The following GRIK3 variants were observed in gnomAD, a reference collection of about 807,000 sequenced individuals.
GRIK3 encodes the protein glutamate ionotropic receptor kainate type subunit 3, also known as glutamate receptor ionotropic, kainate 3.
GRIK3 carries 29 observed loss-of-function variants against 102.5 expected under a neutral mutation model. The ratio of observed to expected loss-of-function variants is 0.28; its 90% CI spans 0.21 to 0.39. The LOEUF (loss-of-function observed/expected upper bound fraction) is 0.39. GRIK3 is among the 10% of genes least tolerant of loss of function. The pLI is 1.00. For missense variants in GRIK3, 908 were observed against 1,252.4 expected, an observed-to-expected ratio of 0.73 and a Z score of 4.15; for synonymous variants, 511 against 504.9, an observed-to-expected ratio of 1.01 and a Z score of -0.16.
intron 1 of GRIK3, among the ~76,000 whole-genome samples, chr1:36,901,139 T>C (rs773078462): frequency 2.0e-5 from 3 of 152,148 alleles, no homozygotes; most frequent in Non-Finnish European, 4.4e-5. Context: ...TTCTCTACAC[T>C]CTATTGGAAA....
Position 36,932,440 on chromosome 1 carries a change from G to A in GRIK3, c.116-41344C>T, listed in dbSNP as rs139334755. Among the ~76,000 whole-genome samples the A allele has an allele frequency of 1.9e-3, 292 of 152,274 alleles. 1 individual carries two copies. Among genetic ancestry groups the A allele is most frequent in the African/African-American group, 6.7e-3 (277 of 41,556 alleles). ...GAGTAGGAGGTGTAGGAAACACCGAGCACTTCCAAGGTCATCCTTCGTTTC... is the reference window on the plus strand; with the variant it reads ...GAGTAGGAGGTGTAGGAAACACCGAACACTTCCAAGGTCATCCTTCGTTTC... On this transcript the variant is annotated intron_variant, in intron 1 of 15. Transcript: ENST00000373091.
chr1:36,907,942 C>A (rs1292331465), intron 1 of GRIK3, among the ~76,000 whole-genome samples: 1 of 152,086 alleles, frequency 6.6e-6, no homozygotes, highest in Non-Finnish European at 1.5e-5. Flanking sequence ...GGAGGGGTCA[C>A]TCACCTGGGC....
Position 36,951,182 on chromosome 1 carries a change from C to T in GRIK3, c.116-60086G>A, listed in dbSNP as rs561244358. Among the ~76,000 whole-genome samples, 3 of 152,322 alleles carry T rather than the reference C, an allele frequency of 2.0e-5. No individual in the cohort carries two copies. The South Asian group carries it at 6.2e-4, about 32-fold the overall frequency. On this transcript the variant is annotated intron_variant, in intron 1 of 15. Transcript: ENST00000373091. ...CAGAAGCTTACAGCAGGGGGCTGGA[C>T]ATTAGAGTCCTCTGAGGGTCAGGAC...
intron 1 of GRIK3, among the ~76,000 whole-genome samples, chr1:36,900,055 T>A (rs994110097): frequency 6.6e-6 from 1 of 152,210 alleles, no homozygotes; most frequent in Admixed American, 6.5e-5. Flanking sequence ...TCAGACGTAA[T>A]GTACATCTAT....
intron 5 of GRIK3, among the ~76,000 whole-genome samples, chr1:36,867,202 A>C (rs920054677): frequency 6.6e-6 from 1 of 152,202 alleles, no homozygotes; most frequent in Admixed American, 6.5e-5. Flanking sequence ...CCCTGGGTAC[A>C]TCATATCCCA....
At chr1:36,975,396 G>A (rs1557448523) in intron 1 of GRIK3, among the ~76,000 whole-genome samples, 1 of 148,858 alleles carries the variant, frequency 6.7e-6, no homozygotes, top group Non-Finnish European at 1.5e-5. Context: ...CTGGGCTTAA[G>A]TGATTCTCCT....
At position 36,841,736 on chromosome 1, in the gene GRIK3, G is replaced by A. The variant is rs770683285; in HGVS notation, c.1530C>T (p.His510=). Residue 510 remains histidine, a splice_region_variant and synonymous_variant, in exon 10 of 16, where the codon CAC becomes CAT. Transcript: ENST00000373091. ...WNGMVKELID[H]KADLAVAPLT... ...CTCCCATGCTCCCATCCATGCTTAC[G>A]TGGTCGATGAGCTCCTTGACCATGC... 11 of 1,612,210 alleles carry A rather than the reference G, an allele frequency of 6.8e-6. No homozygotes were observed. Among genetic ancestry groups the A allele is most frequent in the East Asian group, 4.5e-5 (2 of 44,868 alleles).
At chr1:36,898,387 A>G (rs1303944232) in intron 1 of GRIK3, among the ~76,000 whole-genome samples, 1 of 152,200 alleles carries the variant, frequency 6.6e-6, no homozygotes, top group Non-Finnish European at 1.5e-5. Context: ...TACAAGAAAT[A>G]TTAAAAGATG....
chr1:36,860,510 C>A (rs573814713), intron 5 of GRIK3, among the ~76,000 whole-genome samples: 1 of 152,188 alleles, frequency 6.6e-6, no homozygotes, highest in Non-Finnish European at 1.5e-5. Context: ...CTTCTCTCCC[C>A]CTTTTCCCCC....
intron 1 of GRIK3, among the ~76,000 whole-genome samples, chr1:36,977,566 C>T (rs1329689109): frequency 6.6e-6 from 1 of 152,138 alleles, no homozygotes; most frequent in Non-Finnish European, 1.5e-5. Flanking sequence ...GAGAATAAAG[C>T]CATTCCCCTG....
In GRIK3 at chr1:36,806,254, T is replaced by A. The variant is rs1642501360; in HGVS notation, c.2164A>T (p.Asn722Tyr). The A allele has an allele frequency of 1.2e-6, 2 of 1,614,090 alleles. No homozygotes were observed. Among genetic ancestry groups the A allele is most frequent in the African/African-American group, 2.7e-5 (2 of 74,948 alleles). The change falls in exon 14 of 16, where the codon AAC becomes TAC. Residue 722 changes from asparagine to tyrosine, a missense_variant. Coordinates refer to ENST00000373091, the MANE Select transcript of GRIK3 (RefSeq NM_000831.4). This position sits in a 1 kb window ranked among gnomAD's most constrained non-coding sequence, Gnocchi z 4.0. ...AGGGCCCTCTGGATGCCCTCCTCGT[T>A]GTTCTTCACCAGCGCCGATGGCTTG... is the stretch of plus-strand genomic sequence containing the variant. ...SSKPSALVKN[N>Y]EEGIQRALTA...
intron 1 of GRIK3, among the ~76,000 whole-genome samples, chr1:36,932,437 C>T (rs1053983256): frequency 2.0e-5 from 3 of 152,116 alleles, no homozygotes; most frequent in African/African-American, 7.2e-5. Context: ...TAGGAAACAC[C>T]GAGCACTTCC....
chr1:36,809,188 T>C (rs556809166), intron 13 of GRIK3, among the ~76,000 whole-genome samples: 1 of 145,188 alleles, frequency 6.9e-6, no homozygotes, highest in African/African-American at 2.6e-5. Flanking sequence ...CACCCACCCA[T>C]CCATCCACCC....
chr1:36,985,208 G>A (rs555158566), intron 1 of GRIK3, among the ~76,000 whole-genome samples: 4 of 152,218 alleles, frequency 2.6e-5, no homozygotes, highest in South Asian at 2.1e-4. Flanking sequence ...GCCCTTTCTC[G>A]TTAGCACTCT....
chr1:36,975,641 C>T (rs1033920064), intron 1 of GRIK3, among the ~76,000 whole-genome samples: 6 of 152,184 alleles, frequency 3.9e-5, no homozygotes, highest in Non-Finnish European at 5.9e-5. Context: ...TCATGGAGAT[C>T]GGTATGCTGC....
In GRIK3 at chr1:36,797,346, A is replaced by C. The variant is rs1275701572; in HGVS notation, c.*4505T>G. On this transcript the variant is annotated 3_prime_UTR_variant, in exon 16 of 16. Transcript: ENST00000373091. ...CATTCATATATATATTGTACAGAAC[A>C]TTAACCTTCTACCTAAAAGTTTTGT... 6.6e-6 allele frequency: 1 copy of C among 151,854 alleles called. No individual in the cohort carries two copies. The highest frequency in any genetic ancestry group is 1.5e-5 in the Non-Finnish European group (1 of 67,982). 9.4% of individuals were successfully genotyped at this position (151,854 alleles called of 1,614,324 possible).
chr1:36,911,568 C>T (rs1278762243), intron 1 of GRIK3, among the ~76,000 whole-genome samples: 2 of 151,976 alleles, frequency 1.3e-5, no homozygotes, highest in Admixed American at 1.3e-4. Context: ...TCCCTGGGGT[C>T]CCAGGGGGAC....
chr1:37,034,255 C>A lies in GRIK3; in HGVS notation c.-147G>T. 6.5e-6 allele frequency: 1 copy of A among 154,604 alleles called. No individual in the cohort carries two copies. The highest frequency in any genetic ancestry group is 2.0e-4 in the South Asian group (1 of 4,958). The allele number at this position is 154,604 out of a possible 1,614,324, so 9.6% of individuals were successfully genotyped here. A position where few individuals can be genotyped will look rare whatever the true frequency, so the allele number is the denominator to read the frequency against. ...GCGCCGCTGCAAGTGGGGGGCGCCC[C>A]GCGGCGCCGCGCACATCTTACTGGG... On this transcript the variant is annotated 5_prime_UTR_variant, in exon 1 of 16. Transcript: ENST00000373091.
chr1:36,836,906 C>G (rs903280905), intron 10 of GRIK3, among the ~76,000 whole-genome samples: 2 of 152,090 alleles, frequency 1.3e-5, no homozygotes, highest in Non-Finnish European at 2.9e-5. Context: ...ACCTTGTACC[C>G]CCAGGAGGTC....
Sources: allele counts gnomAD v4.1 joint callset (sites outside exome capture counted in the v4.1 genomes callset), GRCh38; gene constraint gnomAD v4.1.1; non-coding constraint Gnocchi (gnomAD v3.1); transcripts MANE v1.5; gene names NCBI Gene and HGNC (gene_info 2026-07-23, HGNC 2026-07-21).